Variants in CNBD1 observed in about 807,000 individuals in gnomAD.
The protein encoded by CNBD1 is cyclic nucleotide-binding domain-containing protein 1.
In CNBD1, 71 loss-of-function variants were observed where a neutral mutation model predicts 54.4. The ratio of observed to expected loss-of-function variants is 1.30; its 90% confidence interval spans 1.08 to 1.59. The LOEUF is 1.59. Ranked by LOEUF, CNBD1 falls within the 40% of genes most tolerant of loss-of-function variation. CNBD1 has a pLI of 0.00. For missense variants in CNBD1, 659 were observed against 518.0 expected, an observed-to-expected ratio of 1.27 and a Z score of -2.64; for synonymous variants, 182 against 170.7, an observed-to-expected ratio of 1.07 and a Z score of -0.51.
intron 2 of CNBD1, among the ~76,000 whole-genome samples, chr8:87,393,263 A>G (rs572433388): frequency 1.4e-4 from 21 of 151,894 alleles, no homozygotes; most frequent in Non-Finnish European, 2.8e-4. Context: ...CTCTGACTGG[A>G]CTCAAGCATA....
intron 4 of CNBD1, among the ~76,000 whole-genome samples, chr8:87,158,861 GCA>G (rs1264568768): frequency 6.6e-6 from 1 of 152,080 alleles, no homozygotes; most frequent in East Asian, 1.9e-4. Context: ...CATTTTTAAT[GCA>G]CACTTTTTAT....
chr8:87,349,500 C>G (rs1456549902), intron 8 of CNBD1, among the ~76,000 whole-genome samples: 3 of 152,070 alleles, frequency 2.0e-5, no homozygotes. Context: ...CTCAGCCTTC[C>G]GATTAGCTGG....
intron 8 of CNBD1, among the ~76,000 whole-genome samples, chr8:87,328,693 G>T (rs560594378): frequency 6.6e-6 from 1 of 152,080 alleles, no homozygotes; most frequent in East Asian, 1.9e-4. Context: ...ATTACTTTGG[G>T]TATTTTGGAC....
At chr8:87,150,552 A>C (rs1164265460) in intron 4 of CNBD1, among the ~76,000 whole-genome samples, 1 of 152,252 alleles carries the variant, frequency 6.6e-6, no homozygotes, top group African/African-American at 2.4e-5. Flanking sequence ...AGTGCATTGG[A>C]TAGAATGAAA....
intron 4 of CNBD1, among the ~76,000 whole-genome samples, chr8:87,200,336 A>C (rs1310699308): frequency 6.6e-6 from 1 of 152,180 alleles, no homozygotes; most frequent in Non-Finnish European, 1.5e-5. Context: ...AGAAACATAG[A>C]ATACTGAAAG....
At chr8:87,067,860 CAA>C (rs1810685450) in intron 4 of CNBD1, among the ~76,000 whole-genome samples, 1 of 151,734 alleles carries the variant, frequency 6.6e-6, no homozygotes, top group Non-Finnish European at 1.5e-5. Flanking sequence ...CTGAGAAGAC[CAA>C]AGACTATCCT....
intron 8 of CNBD1, among the ~76,000 whole-genome samples, chr8:87,313,820 T>C (rs964796913): frequency 6.6e-6 from 1 of 151,922 alleles, no homozygotes; most frequent in Non-Finnish European, 1.5e-5. Flanking sequence ...ACCTACTCTT[T>C]TTACATAAAT....
chr8:87,390,471 C>G (rs1043014709), intron 2 of CNBD1, among the ~76,000 whole-genome samples: 20 of 152,106 alleles, frequency 1.3e-4, no homozygotes, highest in Non-Finnish European at 1.8e-4. Flanking sequence ...ATTTATGCAG[C>G]CAAAAGAAAC....
At chr8:87,417,615 C>T (rs1339181200) in intron 2 of CNBD1, among the ~76,000 whole-genome samples, 4 of 149,396 alleles carry the variant, frequency 2.7e-5, no homozygotes, top group Non-Finnish European at 4.4e-5. Context: ...TTTACATACA[C>T]ACAAAGCCAA....
intron 4 of CNBD1, among the ~76,000 whole-genome samples, chr8:87,181,976 A>G (rs1813359402): frequency 6.6e-6 from 1 of 152,082 alleles, no homozygotes; most frequent in African/African-American, 2.4e-5. Context: ...CGTTTGTTGT[A>G]CACATGATTT....
intron 4 of CNBD1, among the ~76,000 whole-genome samples, chr8:86,988,874 A>C (rs1036216261): frequency 6.6e-6 from 1 of 152,176 alleles, no homozygotes; most frequent in African/African-American, 2.4e-5. Context: ...ATGGCTGAAT[A>C]GTACTCCATT....
At chr8:87,281,066 T>A (rs1314504049) in intron 6 of CNBD1, among the ~76,000 whole-genome samples, 1 of 151,484 alleles carries the variant, frequency 6.6e-6, no homozygotes, top group African/African-American at 2.4e-5. Context: ...ATTCAGAAAA[T>A]ACAGAATATA....
intron 4 of CNBD1, among the ~76,000 whole-genome samples, chr8:86,959,479 G>C (rs1456385970): frequency 6.6e-6 from 1 of 152,112 alleles, no homozygotes; most frequent in Non-Finnish European, 1.5e-5. Context: ...GTCACTTTCA[G>C]GTACACCAAT....
In CNBD1 at chr8:87,215,317, TG is replaced by T. The variant is rs1474397689; in HGVS notation, c.577+9182del. ...CAAGTAACATAGTGGTTGCCACCTTTGGGATATGAGGTAAGGGACATTATTG... is the reference window on the plus strand; with the variant it reads ...CAAGTAACATAGTGGTTGCCACCTTTGGATATGAGGTAAGGGACATTATTG... On this transcript the variant is annotated intron_variant, in intron 5 of 10. Transcript: ENST00000518476. Among the ~76,000 whole-genome samples the T allele has an allele frequency of 3.3e-5, 5 of 152,084 alleles. No individual in the cohort carries two copies. The South Asian group carries it at 1.0e-3, about 32-fold the overall frequency.
chr8:87,337,916 G>T (rs1809981355), intron 8 of CNBD1, among the ~76,000 whole-genome samples: 1 of 152,076 alleles, frequency 6.6e-6, no homozygotes, highest in South Asian at 2.1e-4. Context: ...CAGCCATCTT[G>T]ACCCCACCCA....
At chr8:86,988,341 G>C (rs1808657414) in intron 4 of CNBD1, among the ~76,000 whole-genome samples, 1 of 151,852 alleles carries the variant, frequency 6.6e-6, no homozygotes, top group South Asian at 2.1e-4. Context: ...TTTGGGATCA[G>C]TTATAATGTC....
chr8:87,366,598 A>C (rs540287248), intron 10 of CNBD1, among the ~76,000 whole-genome samples: 1 of 152,144 alleles, frequency 6.6e-6, no homozygotes, highest in South Asian at 2.1e-4. Flanking sequence ...ATCTGCAAAA[A>C]TCCCTGTACT....
chr8:87,347,636 C>G (rs1480634429), intron 8 of CNBD1, among the ~76,000 whole-genome samples: 1 of 151,876 alleles, frequency 6.6e-6, no homozygotes, highest in Non-Finnish European at 1.5e-5. Flanking sequence ...GAGATTTGGG[C>G]AAAGATTTAA....
chr8:87,208,824 T>A (rs1814032215), intron 5 of CNBD1, among the ~76,000 whole-genome samples: 1 of 152,134 alleles, frequency 6.6e-6, no homozygotes, highest in Non-Finnish European at 1.5e-5. Flanking sequence ...CCCACTTTTA[T>A]GAGATTGTAT....
Sources: gnomAD v4.1 joint callset for allele counts (sites outside exome capture counted in the v4.1 genomes callset) on GRCh38, gnomAD v4.1.1 for gene constraint, MANE v1.5 for transcripts, NCBI Gene and HGNC (gene_info 2026-07-23, HGNC 2026-07-21) for gene names.